The following BDP1 variants were observed in gnomAD, a reference collection of about 807,000 sequenced individuals.
The protein encoded by BDP1 is BDP1 general transcription factor IIIB subunit.
In BDP1, 169 loss-of-function variants were observed where a neutral mutation model predicts 266.6. The observed-to-expected ratio is 0.63, with a 90% CI of 0.56 to 0.72. BDP1 has a LOEUF of 0.72. BDP1 is among the 30% of genes least tolerant of loss of function. BDP1 has a pLI of 0.00. For synonymous variants in BDP1, 1,090 were observed against 1,022.4 expected (o/e 1.07, Z -1.26); for missense variants, 3,015 against 3,053.8 (o/e 0.99, Z 0.30).
intron 25 of BDP1, among the ~76,000 whole-genome samples, chr5:71,526,355 G>A (rs749980752): frequency 2.0e-5 from 3 of 151,150 alleles, no homozygotes; most frequent in Non-Finnish European, 4.4e-5. Context: ...GGTGGCTCAC[G>A]CCTATAATCC....
chr5:71,478,892 A>G (rs1321587790), intron 7 of BDP1, among the ~76,000 whole-genome samples: 1 of 151,606 alleles, frequency 6.6e-6, no homozygotes, highest in African/African-American at 2.4e-5. Context: ...TTTTTCCTCC[A>G]TTTCAGTTTT....
Position 71,522,763 on chromosome 5 carries a change from C to G in BDP1, c.5201C>G (p.Ala1734Gly), listed in dbSNP as rs530702347. 3 of 1,582,152 alleles carry G rather than the reference C, an allele frequency of 1.9e-6. No homozygotes were observed. The Admixed American group carries it at 6.0e-5, about 31-fold the overall frequency. ...SNTQLLLKEK[A>G]ELLTSLEVSA... is the part of the protein sequence containing the mutation. ...TTTCTTCTTAAATTTAAGGAAAAAG[C>G]TGAGCTTCTGACATCTCTGGAGGTT... The change falls in exon 24 of 39, where the codon GCT becomes GGT. Residue 1734 changes from alanine to glycine, a missense_variant. Physicochemically the swap from Ala to Gly is moderately conservative, Grantham distance 60. This residue lies in a region of BDP1 where 2,383 missense variants were observed against 2,404.9 expected (regional missense o/e 0.99). Transcript: ENST00000358731.
In BDP1 at chr5:71,495,299, A is replaced by C. The variant is rs571368603; in HGVS notation, c.1690A>C (p.Thr564Pro). 1.9e-5 allele frequency: 31 copies of C among 1,602,846 alleles called. 1 individual carries two copies. The African/African-American group carries it at 4.1e-4, about 21-fold the overall frequency. The stretch of plus-strand genomic sequence containing the variant: ...AGCAACTGAGTCTTCAGAATCAAGC[A>C]CTTCAGATTTGCCTTCATTCGAAGT... ...SVATESSESSTSDLPSFEVGI... is the reference protein window; with the variant it reads ...SVATESSESSPSDLPSFEVGI... The change falls in exon 12 of 39, where the codon ACT (threonine) becomes CCT (proline). Residue 564 changes from threonine (T) to proline (P), a missense_variant. This residue lies in a region of BDP1 where 2,383 missense variants were observed against 2,404.9 expected (regional missense o/e 0.99). Coordinates refer to ENST00000358731, the MANE Select transcript of BDP1 (RefSeq NM_018429.3).
Position 71,509,942 on chromosome 5 carries a change from A to G in BDP1, c.2850A>G (p.Leu950=). Residue 950 remains leucine, a synonymous_variant, in exon 17 of 39, where the codon CTA becomes CTG. Transcript: ENST00000358731. ...QKNGPEEVKP[L]GEVETDLKAT... is the part of the protein sequence containing the mutation. Reference sequence around the variant, plus strand: ...ATGGCCCAGAGGAGGTTAAGCCTCTAGGTGAAGTGGAGACAGATTTGAAAG... The same window carrying G: ...ATGGCCCAGAGGAGGTTAAGCCTCTGGGTGAAGTGGAGACAGATTTGAAAG... 6.2e-7 allele frequency: 1 copy of G among 1,614,018 alleles called. No individual in the cohort carries two copies. Among genetic ancestry groups the G allele is most frequent in the Non-Finnish European group, 8.5e-7 (1 of 1,180,002 alleles).
At chr5:71,562,174 G>A in intron 37 of BDP1, 100 bp from the exon 38 acceptor site, 4 of 1,246,546 alleles carry the variant, frequency 3.2e-6, no homozygotes, top group Non-Finnish European at 4.3e-6. Flanking sequence ...CTCCAGCCTG[G>A]GTGAGAGTGA....
Position 71,524,339 on chromosome 5 carries a change from A to G in BDP1, c.5772+16A>G. ...AATGGAAGAGGTTCGGTTTTTTTTT[A>G]AAACCTTGGTACTTTATCTTACTTG... On this transcript the variant is annotated intron_variant, in intron 25 of 38. Transcript: ENST00000358731. The G allele has an allele frequency of 6.4e-7, 1 of 1,560,698 alleles. No homozygotes were observed. The highest frequency in any genetic ancestry group is 8.7e-7 in the Non-Finnish European group (1 of 1,151,874).
chr5:71,540,848 G>A (rs1187382525), intron 28 of BDP1, among the ~76,000 whole-genome samples: 1 of 152,130 alleles, frequency 6.6e-6, no homozygotes, highest in African/African-American at 2.4e-5. Flanking sequence ...TGAGGTGGGA[G>A]GATCGCTTGA....
At chr5:71,522,223 A>C in intron 22 of BDP1, 66 bp from the exon 23 acceptor site, 8 of 1,229,546 alleles carry the variant, frequency 6.5e-6, no homozygotes, top group South Asian at 1.3e-5. Flanking sequence ...TGTTTGATGT[A>C]ACAGCTGTTA....
intron 22 of BDP1, among the ~76,000 whole-genome samples, chr5:71,519,503 C>A (rs1765390693): frequency 2.0e-5 from 3 of 152,180 alleles, no homozygotes; most frequent in African/African-American, 7.2e-5. Context: ...CCATTCTAAT[C>A]CCTACCTCCA....
chr5:71,540,470 A>G (rs978841960), intron 28 of BDP1, among the ~76,000 whole-genome samples: 3 of 152,076 alleles, frequency 2.0e-5, no homozygotes, highest in African/African-American at 4.8e-5. Context: ...TGGGATTACA[A>G]TCGCATGCCA....
chr5:71,536,005 T>G (rs1199357846), intron 26 of BDP1, among the ~76,000 whole-genome samples: 4 of 152,236 alleles, frequency 2.6e-5, no homozygotes, highest in African/African-American at 9.6e-5. Context: ...CAATTCAACC[T>G]TTGATACTTT....
At chr5:71,471,294 C>T (rs1283703428) in intron 7 of BDP1, among the ~76,000 whole-genome samples, 1 of 151,938 alleles carries the variant, frequency 6.6e-6, no homozygotes, top group Non-Finnish European at 1.5e-5. Flanking sequence ...AGGCGCACAC[C>T]ACCACGCCCA....
intron 5 of BDP1, among the ~76,000 whole-genome samples, chr5:71,466,645 A>G (rs1421559145): frequency 1.3e-5 from 2 of 152,162 alleles, no homozygotes; most frequent in Non-Finnish European, 2.9e-5. Flanking sequence ...AACATATTTT[A>G]TGATTTTTGT....
At chr5:71,462,160 G>T (rs755247472) in intron 3 of BDP1, among the ~76,000 whole-genome samples, 2 of 151,814 alleles carry the variant, frequency 1.3e-5, no homozygotes, top group Admixed American at 1.3e-4. Flanking sequence ...ACTGGGTTTC[G>T]CCATGTTGGC....
chr5:71,571,982 A>T (rs975396891), downstream of BDP1, among the ~76,000 whole-genome samples: 9 of 152,312 alleles, frequency 5.9e-5, no homozygotes, highest in African/African-American at 2.2e-4. Context: ...ACTGTTTATC[A>T]TGAATACAGA....
chr5:71,519,075 C>T (rs1260407172), intron 22 of BDP1, among the ~76,000 whole-genome samples: 1 of 152,052 alleles, frequency 6.6e-6, no homozygotes, highest in Non-Finnish European at 1.5e-5. Flanking sequence ...CCACCTCAGC[C>T]TCCCAAAGTG....
At chr5:71,556,858 A>AT in intron 35 of BDP1, 28 bp from the exon 36 acceptor site, 1 of 1,180,580 alleles carries the variant, frequency 8.5e-7, no homozygotes, top group East Asian at 2.8e-5. Flanking sequence ...TAAATTTCTA[A>AT]ATTTTTTTTT....
At position 71,548,695 on chromosome 5, in the gene BDP1, G is replaced by A; in HGVS notation, c.6758G>A (p.Ser2253Asn). Residue 2253 changes from serine (S) to asparagine (N), a missense_variant, in exon 33 of 39, where the codon AGT (serine) becomes AAT (asparagine). Physicochemically the swap from Ser to Asn is conservative, Grantham distance 46. Around this residue, in one of 3 missense-constraint regions of BDP1, gnomAD observed 629 missense variants for 632.5 expected, o/e 0.99. Coordinates refer to ENST00000358731, the MANE Select transcript of BDP1 (RefSeq NM_018429.3). ...TLPVPEYTPT[S>N]IPEVQQENII... Reference sequence around the variant, plus strand: ...TTTTTATGGCAGTATACACCAACAAGTATTCCAGAAGTCCAACAAGAGAAT... The same window carrying A: ...TTTTTATGGCAGTATACACCAACAAATATTCCAGAAGTCCAACAAGAGAAT... 1 of 1,607,264 alleles carries A rather than the reference G, an allele frequency of 6.2e-7. No individual in the cohort carries two copies. Among genetic ancestry groups the A allele is most frequent in the Non-Finnish European group, 8.5e-7 (1 of 1,174,446 alleles).
In BDP1 at chr5:71,560,183, C is replaced by T. The variant is rs1476894784; in HGVS notation, c.7442C>T (p.Pro2481Leu). Residue 2481 changes from proline to leucine, a missense_variant, in exon 37 of 39, where the codon CCT (proline) becomes CTT (leucine). Physicochemically the swap from Pro to Leu is moderately conservative, Grantham distance 98. Transcript: ENST00000358731. ...SDKEERTDAA[P>L]KSQQMDSRTS... is the part of the protein sequence containing the mutation. ...AAGGAAGAAAGAACTGATGCTGCTC[C>T]TAAGTCTCAGCAAATGGATAGCAGA... 2.5e-6 allele frequency: 4 copies of T among 1,614,032 alleles called. No homozygotes were observed. The African/African-American group carries it at 5.3e-5, about 22-fold the overall frequency.
Sources: gnomAD v4.1 joint callset for allele counts (sites outside exome capture counted in the v4.1 genomes callset) on GRCh38, gnomAD v4.1.1 for gene constraint, gnomAD v4.1.1 regional missense constraint, MANE v1.5 for transcripts, NCBI Gene and HGNC (gene_info 2026-07-23, HGNC 2026-07-21) for gene names.